The following LRRIQ1 variants were observed in gnomAD, a reference collection of about 807,000 sequenced individuals.
The protein encoded by LRRIQ1 is leucine-rich repeat- and IQ domain-containing protein 1.
A neutral mutation model predicts 211.9 loss-of-function variants in LRRIQ1; 210 were observed. The observed-to-expected ratio is 0.99, with a 90% CI of 0.89 to 1.11. The LOEUF (loss-of-function observed/expected upper bound fraction) is 1.11, where lower values mean the gene tolerates loss of function less well. Ranked by LOEUF, LRRIQ1 falls within the 50% of genes most tolerant of loss-of-function variation. The pLI is 0.00. For synonymous variants in LRRIQ1, 699 were observed against 650.1 expected, an observed-to-expected ratio of 1.08 and a Z score of -1.14; for missense variants, 2,136 against 1,939.5, an observed-to-expected ratio of 1.10 and a Z score of -1.90.
In LRRIQ1 at chr12:85,098,399, C is replaced by G; in HGVS notation, c.2932C>G (p.His978Asp). 1 of 1,608,700 alleles carries G rather than the reference C, an allele frequency of 6.2e-7. No homozygotes were observed. The highest frequency in any genetic ancestry group is 8.5e-7 in the Non-Finnish European group (1 of 1,177,712). ...LKNLQQLILD[H>D]NQLINTKGLC... The stretch of plus-strand genomic sequence containing the variant: ...AAATCTTCAACAACTAATTTTGGAC[C>G]ACAATCAGTTAATTAATACAAAAGG... The change falls in exon 12 of 27, where the codon CAC (histidine) becomes GAC (aspartate). Residue 978 changes from histidine to aspartate, a missense_variant. By Grantham distance (81) the His-to-Asp change is moderately conservative. Coordinates refer to ENST00000393217, the MANE Select transcript of LRRIQ1 (RefSeq NM_001079910.2).
intron 16 of LRRIQ1, 35 bp downstream of exon 16, chr12:85,121,911 A>T (rs1308944758): frequency 6.8e-7 from 1 of 1,466,290 alleles, no homozygotes; most frequent in African/African-American, 1.4e-5. Context: ...TGTATTTAGA[A>T]TCAATAATGT....
intron 3 of LRRIQ1, among the ~76,000 whole-genome samples, chr12:85,042,138 A>T (rs1233400099): frequency 6.6e-6 from 1 of 151,862 alleles, no homozygotes; most frequent in Non-Finnish European, 1.5e-5. Flanking sequence ...TATAAAAAAA[A>T]TCAAGGAAAA....
chr12:85,154,648 C>T (rs1380734504), intron 23 of LRRIQ1, among the ~76,000 whole-genome samples: 2 of 151,136 alleles, frequency 1.3e-5, no homozygotes, highest in Admixed American at 1.3e-4. Context: ...TCTTTGGATA[C>T]CTCTAATCAT....
chr12:85,157,645 G>T (rs996893575), intron 23 of LRRIQ1, among the ~76,000 whole-genome samples: 1 of 151,838 alleles, frequency 6.6e-6, no homozygotes, highest in Non-Finnish European at 1.5e-5. Flanking sequence ...TTGAAAACAT[G>T]CAGGGTCAAT....
At chr12:85,257,069 TATAA>T (rs869265711) in intron 1 of LRRIQ1, among the ~76,000 whole-genome samples, 4 of 115,486 alleles carry the variant, frequency 3.5e-5, no homozygotes, top group African/African-American at 1.4e-4. Context: ...TATATAATTA[TATAA>T]ATATATATAA....
rs143279404 is a variant in LRRIQ1, at chr12:85,097,131, A to G, written c.2888-1224A>G. Among the ~76,000 whole-genome samples the G allele has an allele frequency of 4.3e-4, 65 of 152,204 alleles. 2 individuals carry two copies. In the East Asian group the frequency reaches 0.011, roughly 26 times the overall value. On this transcript the variant is annotated intron_variant, in intron 11 of 26. Transcript: ENST00000393217. The stretch of plus-strand genomic sequence containing the variant: ...TCAGCTTCTCAATTTGTGCCTTTTA[A>G]GGGGGCATTGTATTAGTTTATTCTC...
intron 11 of LRRIQ1, among the ~76,000 whole-genome samples, chr12:85,093,106 A>G (rs11615246): frequency 0.24 from 35,873 of 152,058 alleles, 4,817 homozygotes; most frequent in African/African-American, 0.34. Flanking sequence ...TATGCGATAT[A>G]TTTTTCAGGA....
Position 85,107,383 on chromosome 12 carries a change from TCTTTTATGG to T in LRRIQ1, c.3377+773_3377+781del, listed in dbSNP as rs1328552068. On this transcript the variant is annotated intron_variant, in intron 15 of 26. Transcript: ENST00000393217. ...TAGTATTTTAAAAACATCTCTCCAC[TCTTTTATGG>T]CTTTCATTGTTTCTGGTGAGAAATG... is the stretch of plus-strand genomic sequence containing the variant. Among the ~76,000 whole-genome samples the T allele has an allele frequency of 2.0e-5, 3 of 152,252 alleles. No individual in the cohort carries two copies. The East Asian group carries it at 5.8e-4, about 29-fold the overall frequency.
At chr12:85,256,924 T>C (rs1896111466) in intron 1 of LRRIQ1, among the ~76,000 whole-genome samples, 1 of 146,786 alleles carries the variant, frequency 6.8e-6, no homozygotes, top group Non-Finnish European at 1.5e-5. Context: ...TTTTGGAATT[T>C]ACTTAAAATT....
rs1880985528 is a variant in LRRIQ1, at chr12:85,055,944, T to C, written c.1151T>C (p.Ile384Thr). 5.0e-6 allele frequency: 8 copies of C among 1,606,138 alleles called. No individual in the cohort carries two copies. The African/African-American group carries it at 5.4e-5, about 11-fold the overall frequency. Residue 384 changes from isoleucine (I) to threonine (T), a missense_variant, in exon 8 of 27, where the codon ATA becomes ACA. Physicochemically the swap from Ile to Thr is moderately conservative, Grantham distance 89. Transcript: ENST00000393217. ...EREQLISKEK[I>T]ILREDASQQL... is the part of the protein sequence containing the mutation. ...GAGCAACTAATAAGCAAGGAAAAAA[T>C]AATATTAAGAGAAGATGCAAGCCAA...
rs1349104218 is a variant in LRRIQ1, at chr12:85,154,018, T to A, written c.4644T>A (p.Phe1548Leu). The change falls in exon 23 of 27, where the codon TTT becomes TTA. Residue 1548 changes from phenylalanine (F) to leucine (L), a missense_variant. Physicochemically the swap from Phe to Leu is conservative, Grantham distance 22. Transcript: ENST00000393217. ...KEKKISEEWG[F>L]KDISTAQQML... Reference sequence around the variant, plus strand: ...ATATTTAATCTTTTAATAGGGGCTTTAAGGATATTTCTACTGCTCAGCAAA... The same window carrying A: ...ATATTTAATCTTTTAATAGGGGCTTAAAGGATATTTCTACTGCTCAGCAAA... 6.4e-7 allele frequency: 1 copy of A among 1,555,228 alleles called. No homozygotes were observed. Among genetic ancestry groups the A allele is most frequent in the East Asian group, 2.3e-5 (1 of 42,860 alleles).
Position 85,121,683 on chromosome 12 carries a change from GT to G in LRRIQ1, c.3378-12del, listed in dbSNP as rs759348191. On this transcript the variant is annotated splice_polypyrimidine_tract_variant and intron_variant, in intron 15 of 26. Coordinates refer to ENST00000393217, the MANE Select transcript of LRRIQ1 (RefSeq NM_001079910.2). ...CAAGATCAGGATTATTAACTTTTTT[GT>G]TGTTTTCAATAGGGATTCTCTACTT... 6.5e-7 allele frequency: 1 copy of G among 1,539,302 alleles called. No homozygotes were observed.
intron 8 of LRRIQ1, among the ~76,000 whole-genome samples, chr12:85,060,228 C>T (rs919365014): frequency 2.0e-5 from 3 of 151,724 alleles, no homozygotes; most frequent in East Asian, 1.9e-4. Context: ...GGATTGTTTT[C>T]GAGGGCTGCT....
chr12:85,046,416 T>C (rs1879592078), intron 5 of LRRIQ1, among the ~76,000 whole-genome samples: 1 of 152,182 alleles, frequency 6.6e-6, no homozygotes, highest in African/African-American at 2.4e-5. Context: ...TATCTCTTAA[T>C]GACACACATA....
chr12:85,120,601 C>G (rs978120185), intron 15 of LRRIQ1, among the ~76,000 whole-genome samples: 3 of 152,162 alleles, frequency 2.0e-5, no homozygotes, highest in Non-Finnish European at 4.4e-5. Flanking sequence ...TGAGTTTAAT[C>G]TATAGATCAA....
intron 11 of LRRIQ1, among the ~76,000 whole-genome samples, chr12:85,081,628 T>C (rs1326166424): frequency 6.6e-6 from 1 of 152,106 alleles, no homozygotes; most frequent in Non-Finnish European, 1.5e-5. Flanking sequence ...TGTATTTTTA[T>C]TTAACTCCGC....
Position 85,055,535 on chromosome 12 carries a change from A to G in LRRIQ1, c.754-12A>G, listed in dbSNP as rs1426760778. On this transcript the variant is annotated splice_polypyrimidine_tract_variant and intron_variant, in intron 7 of 26. Transcript: ENST00000393217. ...GTTTATGCTGACTACCATGTATCTTACTTTGTTTTAGGAGTATATTAGAAA... is the reference window on the plus strand; with the variant it reads ...GTTTATGCTGACTACCATGTATCTTGCTTTGTTTTAGGAGTATATTAGAAA... 5 of 1,466,920 alleles carry G rather than the reference A, an allele frequency of 3.4e-6. No individual in the cohort carries two copies. The highest frequency in any genetic ancestry group is 4.5e-6 in the Non-Finnish European group (5 of 1,108,978). The allele number at this position is 1,466,920 out of a possible 1,614,324, so 90.9% of individuals were successfully genotyped here.
chr12:85,040,735 A>G (rs1205485526), intron 3 of LRRIQ1, 134 bp downstream of exon 3: 3 of 469,494 alleles, frequency 6.4e-6, no homozygotes, highest in African/African-American at 4.0e-5. Flanking sequence ...TATTTCTAAT[A>G]TATCTACAGT....
chr12:85,239,646 TG>T (rs747911455), intron 26 of LRRIQ1, among the ~76,000 whole-genome samples: 1 of 151,816 alleles, frequency 6.6e-6, no homozygotes, highest in Non-Finnish European at 1.5e-5. Flanking sequence ...GAAATTAAGA[TG>T]AACTATGAGC....
Sources: gnomAD v4.1 joint callset for allele counts (sites outside exome capture counted in the v4.1 genomes callset) on GRCh38, gnomAD v4.1.1 for gene constraint, MANE v1.5 for transcripts, NCBI Gene and HGNC (gene_info 2026-07-23, HGNC 2026-07-21) for gene names.